FBXL7: variants seen among roughly 807,000 people sequenced by gnomAD.
FBXL7 encodes the protein F-box/LRR-repeat protein 7.
A neutral mutation model predicts 38.3 loss-of-function variants in FBXL7; 12 were observed. That is an observed-to-expected ratio of 0.31 (90% confidence interval 0.20 to 0.51). The LOEUF (loss-of-function observed/expected upper bound fraction) is 0.51. FBXL7 is among the 20% of genes least tolerant of loss of function. The probability of loss-of-function intolerance (pLI) is 0.98; values close to 1 mark genes in which losing one functional copy is unlikely to be tolerated. For missense variants in FBXL7, 567 were observed against 676.4 expected (o/e 0.84, Z 1.79); for synonymous variants, 297 against 300.9 (o/e 0.99, Z 0.13).
intron 2 of FBXL7, among the ~76,000 whole-genome samples, chr5:15,791,090 C>T (rs937182243): frequency 1.3e-5 from 2 of 148,792 alleles, no homozygotes; most frequent in Non-Finnish European, 3.0e-5. Context: ...GGGGTTATTG[C>T]ATGTATCTAA....
chr5:15,696,636 AG>A (rs1239565642), intron 2 of FBXL7, among the ~76,000 whole-genome samples: 8 of 152,206 alleles, frequency 5.3e-5, no homozygotes, highest in Non-Finnish European at 1.2e-4. Context: ...GTTTAAATGG[AG>A]CCTTGTATTA....
chr5:15,541,443 G>GTGTATATATA (rs1264820921), intron 1 of FBXL7, among the ~76,000 whole-genome samples: 37 of 38,432 alleles, frequency 9.6e-4, no homozygotes, highest in South Asian at 3.8e-3. Flanking sequence ...GTGTGTGTGT[G>GTGTATATATA]TATATATATA....
chr5:15,710,332 G>A (rs1671268136), intron 2 of FBXL7, among the ~76,000 whole-genome samples: 1 of 152,038 alleles, frequency 6.6e-6, no homozygotes, highest in Admixed American at 6.6e-5. Flanking sequence ...TGCTCTTCCT[G>A]GAGTACACCA....
At chr5:15,582,322 G>A (rs1251589222) in intron 1 of FBXL7, among the ~76,000 whole-genome samples, 2 of 152,192 alleles carry the variant, frequency 1.3e-5, no homozygotes, top group African/African-American at 2.4e-5. Context: ...TTCTACTCTG[G>A]ATAAGAGAAA....
chr5:15,750,271 A>T (rs547003060), intron 2 of FBXL7, among the ~76,000 whole-genome samples: 1 of 152,346 alleles, frequency 6.6e-6, no homozygotes, highest in South Asian at 2.1e-4. Context: ...GAAAACTAAT[A>T]AATTACTCAA....
intron 2 of FBXL7, among the ~76,000 whole-genome samples, chr5:15,626,572 G>GTGTA (rs1554010333): frequency 4.6e-5 from 7 of 151,704 alleles, no homozygotes; most frequent in African/African-American, 1.7e-4. Context: ...GTGTGTGTGT[G>GTGTA]TATGTGTACA....
chr5:15,776,022 T>A (rs1390843401), intron 2 of FBXL7, among the ~76,000 whole-genome samples: 1 of 152,112 alleles, frequency 6.6e-6, no homozygotes, highest in Admixed American at 6.6e-5. Context: ...AGCGGCAACA[T>A]GTCATGAGTT....
At chr5:15,723,940 C>G (rs1469718114) in intron 2 of FBXL7, among the ~76,000 whole-genome samples, 1 of 152,174 alleles carries the variant, frequency 6.6e-6, no homozygotes, top group African/African-American at 2.4e-5. Context: ...TTACTTGATA[C>G]AGCTTTAAAC....
intron 2 of FBXL7, among the ~76,000 whole-genome samples, chr5:15,765,298 A>T (rs948606636): frequency 6.6e-6 from 1 of 152,126 alleles, no homozygotes; most frequent in African/African-American, 2.4e-5. Context: ...CATGGATGAC[A>T]TTCACAAATG....
chr5:15,904,789 A>G (rs1741315406), intron 2 of FBXL7, among the ~76,000 whole-genome samples: 1 of 152,112 alleles, frequency 6.6e-6, no homozygotes, highest in Non-Finnish European at 1.5e-5. Context: ...TGTTAAAAGT[A>G]CTAATATCTG....
chr5:15,634,576 C>T (rs1190768360), intron 2 of FBXL7, among the ~76,000 whole-genome samples: 3 of 152,040 alleles, frequency 2.0e-5, no homozygotes, highest in African/African-American at 4.8e-5. Context: ...CCACCTCAGC[C>T]TCCCAAGGTG....
At chr5:15,808,416 A>G (rs1737772507) in intron 2 of FBXL7, among the ~76,000 whole-genome samples, 1 of 152,126 alleles carries the variant, frequency 6.6e-6, no homozygotes, top group African/African-American at 2.4e-5. Context: ...TGCGATAGCC[A>G]ATGAGGGTTT....
At chr5:15,897,049 G>A (rs910967145) in intron 2 of FBXL7, among the ~76,000 whole-genome samples, 2 of 152,166 alleles carry the variant, frequency 1.3e-5, no homozygotes, top group Non-Finnish European at 2.9e-5. Flanking sequence ...CACAAGAATC[G>A]CTTGAACCTG....
intron 2 of FBXL7, among the ~76,000 whole-genome samples, chr5:15,761,455 A>G (rs774820040): frequency 1.3e-5 from 2 of 152,196 alleles, no homozygotes; most frequent in Non-Finnish European, 2.9e-5. Context: ...GTTTCAGCCC[A>G]TTGAATCTCT....
At chr5:15,848,850 A>G (rs147652344) in intron 2 of FBXL7, among the ~76,000 whole-genome samples, 6 of 152,364 alleles carry the variant, frequency 3.9e-5, no homozygotes, top group South Asian at 2.1e-4. Flanking sequence ...AGGGGCCTCA[A>G]TTACTTCAAA....
chr5:15,830,245 AG>A (rs1368475699), intron 2 of FBXL7, among the ~76,000 whole-genome samples: 1 of 152,134 alleles, frequency 6.6e-6, no homozygotes, highest in African/African-American at 2.4e-5. Flanking sequence ...GCACTTTGGG[AG>A]GCCAAGGCGG....
chr5:15,543,944 C>A (rs1205684615), intron 1 of FBXL7, among the ~76,000 whole-genome samples: 1 of 152,150 alleles, frequency 6.6e-6, no homozygotes, highest in Non-Finnish European at 1.5e-5. Flanking sequence ...GGAGGTGGGA[C>A]TGGGGCACCA....
At chr5:15,566,569 T>C (rs1402167351) in intron 1 of FBXL7, among the ~76,000 whole-genome samples, 2 of 152,196 alleles carry the variant, frequency 1.3e-5, no homozygotes, top group Non-Finnish European at 2.9e-5. Flanking sequence ...ACCTTGTCTT[T>C]TTTAATGCGA....
intron 2 of FBXL7, among the ~76,000 whole-genome samples, chr5:15,725,676 C>A (rs988652435): frequency 5.9e-5 from 9 of 152,050 alleles, no homozygotes; most frequent in African/African-American, 2.2e-4. Context: ...GTCTCAGTCA[C>A]CAAGGCTGGA....
Sources: gnomAD v4.1 joint callset for allele counts (sites outside exome capture counted in the v4.1 genomes callset) on GRCh38, gnomAD v4.1.1 for gene constraint, MANE v1.5 for transcripts, NCBI Gene and HGNC (gene_info 2026-07-23, HGNC 2026-07-21) for gene names.